Variants in GTF2F2 observed in about 807,000 individuals in gnomAD.
The protein encoded by GTF2F2 is general transcription factor IIF subunit 2, also known as ATP-dependent helicase GTF2F2.
Under a neutral mutation model 42.2 loss-of-function variants are expected in GTF2F2, and 23 were observed. The ratio of observed to expected loss-of-function variants is 0.55; its 90% CI spans 0.39 to 0.77. The LOEUF (loss-of-function observed/expected upper bound fraction) is 0.77. Among genes scored for constraint, GTF2F2 ranks in the 30% least tolerant of loss-of-function variants. The pLI is 0.00. For missense variants in GTF2F2, 261 were observed against 287.2 expected (o/e 0.91, Z 0.66); for synonymous variants, 105 against 100.8 (o/e 1.04, Z -0.25).
intron 6 of GTF2F2, among the ~76,000 whole-genome samples, chr13:45,257,029 T>A (rs1260257209): frequency 6.6e-6 from 1 of 152,148 alleles, no homozygotes; most frequent in Non-Finnish European, 1.5e-5. Context: ...TACCTTGCAT[T>A]TACCCACAGT....
intron 1 of GTF2F2, among the ~76,000 whole-genome samples, chr13:45,126,662 G>T (rs114295378): frequency 7.0e-6 from 1 of 142,778 alleles, no homozygotes; most frequent in South Asian, 2.1e-4. Flanking sequence ...TGAACAAAAC[G>T]GACATGGTAT....
intron 4 of GTF2F2, among the ~76,000 whole-genome samples, chr13:45,200,923 G>T (rs187620567): frequency 9.2e-4 from 140 of 152,304 alleles, no homozygotes; most frequent in African/African-American, 2.7e-3. Flanking sequence ...GTAACTTCGA[G>T]GTCTGGAGGA....
At chr13:45,194,055 G>A (rs996773137) in intron 4 of GTF2F2, 1 of 1,614,122 alleles carries the variant, frequency 6.2e-7, no homozygotes, top group Non-Finnish European at 8.5e-7. Flanking sequence ...CCAGAACAAT[G>A]CGAGACTTTA....
chr13:45,219,166 TA>T (rs35228986), intron 5 of GTF2F2, among the ~76,000 whole-genome samples: 11 of 150,180 alleles, frequency 7.3e-5, no homozygotes, highest in African/African-American at 1.2e-4. Context: ...TGACTATCCT[TA>T]AAAAAAAAAA....
At chr13:45,174,743 A>T (rs977002134) in intron 4 of GTF2F2, among the ~76,000 whole-genome samples, 1 of 151,330 alleles carries the variant, frequency 6.6e-6, no homozygotes, top group Non-Finnish European at 1.5e-5. Context: ...TTCAGAGGGA[A>T]GGAGAGGGAG....
intron 5 of GTF2F2, among the ~76,000 whole-genome samples, chr13:45,241,041 C>T (rs1450825501): frequency 6.6e-6 from 1 of 150,666 alleles, no homozygotes; most frequent in Non-Finnish European, 1.5e-5. Context: ...TTATCCCAGC[C>T]ACAAGGGCAG....
At chr13:45,136,584 G>A (rs958672376) in intron 1 of GTF2F2, 149 bp from the exon 2 acceptor site, 1 of 453,574 alleles carries the variant, frequency 2.2e-6, no homozygotes, top group Non-Finnish European at 3.9e-6. Flanking sequence ...ACGTGTCTTA[G>A]TATTTTATAT....
intron 7 of GTF2F2, among the ~76,000 whole-genome samples, chr13:45,279,851 G>A (rs1877188443): frequency 6.6e-6 from 1 of 152,150 alleles, no homozygotes; most frequent in Admixed American, 6.5e-5. Context: ...GTTGCAGTGA[G>A]CCAAGATCAT....
At chr13:45,268,160 T>C (rs1052181673) in intron 7 of GTF2F2, among the ~76,000 whole-genome samples, 4 of 152,172 alleles carry the variant, frequency 2.6e-5, no homozygotes, top group African/African-American at 9.6e-5. Context: ...TATTTACTTA[T>C]AGGTTTAAGA....
At chr13:45,265,987 A>G (rs1297378514) in intron 6 of GTF2F2, among the ~76,000 whole-genome samples, 1 of 152,236 alleles carries the variant, frequency 6.6e-6, no homozygotes, top group Non-Finnish European at 1.5e-5. Context: ...AAAGAAACAA[A>G]CAAATATCTC....
chr13:45,236,520 C>CACACACACACACAA (rs1295462147), intron 5 of GTF2F2, among the ~76,000 whole-genome samples: 37 of 132,658 alleles, frequency 2.8e-4, no homozygotes, highest in African/African-American at 1.1e-3. Context: ...CACACACACA[C>CACACACACACACAA]ACACACACAA....
chr13:45,248,792 T>G (rs1382085626), intron 5 of GTF2F2, among the ~76,000 whole-genome samples: 1 of 152,184 alleles, frequency 6.6e-6, no homozygotes, highest in East Asian at 1.9e-4. Context: ...AAGTATTTTT[T>G]TAATGGTTTA....
chr13:45,279,689 C>T (rs1293332965), intron 7 of GTF2F2, among the ~76,000 whole-genome samples: 6 of 152,072 alleles, frequency 3.9e-5, no homozygotes, highest in African/African-American at 9.7e-5. Flanking sequence ...GGGTGGATCA[C>T]GAGGTCAGCA....
At chr13:45,221,269 G>A (rs1316613089) in intron 5 of GTF2F2, among the ~76,000 whole-genome samples, 1 of 152,008 alleles carries the variant, frequency 6.6e-6, no homozygotes, top group Admixed American at 6.6e-5. Flanking sequence ...TCTAGTCAAT[G>A]ACCAAGTCCT....
intron 7 of GTF2F2, among the ~76,000 whole-genome samples, chr13:45,281,659 C>G (rs1877265977): frequency 6.6e-6 from 1 of 152,226 alleles, no homozygotes; most frequent in African/African-American, 2.4e-5. Context: ...ATTTAACAAG[C>G]TCCCCACAGG....
chr13:45,128,814 G>A (rs911183667), intron 1 of GTF2F2, among the ~76,000 whole-genome samples: 2 of 151,900 alleles, frequency 1.3e-5, no homozygotes, highest in East Asian at 1.9e-4. Flanking sequence ...GGGTGGTCTC[G>A]AACTCCTGGC....
At chr13:45,165,307 TAA>T (rs1871226256) in intron 4 of GTF2F2, among the ~76,000 whole-genome samples, 1 of 142,742 alleles carries the variant, frequency 7.0e-6, no homozygotes, top group African/African-American at 2.6e-5. Flanking sequence ...GATTTATATC[TAA>T]AATATATATA....
rs542459006 is a variant in GTF2F2, at chr13:45,164,416, A to C, written c.304+12585A>C. 1.4e-4 allele frequency among the ~76,000 whole-genome samples: 21 copies of C among 152,324 alleles called. 1 individual carries two copies. The highest frequency in any genetic ancestry group is 4.6e-4 in the African/African-American group (19 of 41,578). On this transcript the variant is annotated intron_variant, in intron 4 of 7. Transcript: ENST00000340473. ...AAAAAGCAATAAAACATGTCGATTTACTGAAGGTTTTCAAGTAAAGAAGTA... is the reference window on the plus strand; with the variant it reads ...AAAAAGCAATAAAACATGTCGATTTCCTGAAGGTTTTCAAGTAAAGAAGTA...
At chr13:45,134,201 T>C (rs1869501479) in intron 1 of GTF2F2, among the ~76,000 whole-genome samples, 1 of 152,188 alleles carries the variant, frequency 6.6e-6, no homozygotes, top group African/African-American at 2.4e-5. Context: ...TTAATGGTAT[T>C]GACTACCCTT....
Sources: allele counts gnomAD v4.1 joint callset (sites outside exome capture counted in the v4.1 genomes callset), GRCh38; gene constraint gnomAD v4.1.1; transcripts MANE v1.5; gene names NCBI Gene and HGNC (gene_info 2026-07-23, HGNC 2026-07-21).